DAB1: variants seen among roughly 807,000 people sequenced by gnomAD.
The protein encoded by DAB1 is DAB adaptor protein 1.
DAB1 carries 15 observed loss-of-function variants against 64.6 expected under a neutral mutation model. That is an observed-to-expected ratio of 0.23 (90% confidence interval 0.16 to 0.36). The LOEUF (loss-of-function observed/expected upper bound fraction) is 0.36, where lower values mean the gene tolerates loss of function less well. Ranked by LOEUF, DAB1 falls within the 10% of genes least tolerant of loss-of-function variation. DAB1 has a pLI of 1.00. For missense variants in DAB1, 596 were observed against 706.7 expected (o/e 0.84, Z 1.78); for synonymous variants, 235 against 251.9 (o/e 0.93, Z 0.64).
At chr1:58,464,983 C>T (rs1251646604) in intron 3 of DAB1, among the ~76,000 whole-genome samples, 1 of 152,224 alleles carries the variant, frequency 6.6e-6, no homozygotes, top group Admixed American at 6.5e-5. Flanking sequence ...CTCAGAAGAG[C>T]TCATCAAAGC....
At chr1:57,427,897 G>A (rs1476221677), upstream of DAB1, among the ~76,000 whole-genome samples, 3 of 152,174 alleles carry the variant, frequency 2.0e-5, no homozygotes, top group Admixed American at 6.5e-5. Context: ...GCAGGGCATG[G>A]TGGCTCACAC....
At chr1:58,101,474 C>T (rs1435598293) in intron 5 of DAB1, among the ~76,000 whole-genome samples, 1 of 151,946 alleles carries the variant, frequency 6.6e-6, no homozygotes, top group East Asian at 1.9e-4. Context: ...CTAGGGGTAC[C>T]TGGGGGGTAA....
chr1:57,537,570 C>CA (rs1644745433), intron 7 of DAB1, among the ~76,000 whole-genome samples: 1 of 151,190 alleles, frequency 6.6e-6, no homozygotes, highest in South Asian at 2.1e-4. Context: ...ACTTTTTTTT[C>CA]AAAAAAGCTC....
intron 2 of DAB1, among the ~76,000 whole-genome samples, chr1:57,230,543 G>C (rs745642941): frequency 3.9e-5 from 6 of 152,032 alleles, no homozygotes; most frequent in Non-Finnish European, 8.8e-5. Flanking sequence ...ACTAAAAAAA[G>C]ATTTCTGAAG....
At chr1:58,379,712 C>A (rs1300970182) in intron 3 of DAB1, among the ~76,000 whole-genome samples, 1 of 152,144 alleles carries the variant, frequency 6.6e-6, no homozygotes, top group Non-Finnish European at 1.5e-5. Context: ...AGAGTTGGAA[C>A]AATAGGAGAT....
At chr1:57,743,523 A>G (rs1329754170) in intron 6 of DAB1, among the ~76,000 whole-genome samples, 8 of 152,308 alleles carry the variant, frequency 5.3e-5, no homozygotes, top group Non-Finnish European at 1.0e-4. Flanking sequence ...TGCTCACAGA[A>G]AGCCTGTTTG....
chr1:57,254,243 G>A (rs1669589549), intron 2 of DAB1, among the ~76,000 whole-genome samples: 1 of 152,188 alleles, frequency 6.6e-6, no homozygotes, highest in Non-Finnish European at 1.5e-5. Context: ...CACTGTGGGT[G>A]AAGCCACCAG....
At chr1:57,152,189 A>G (rs1370479811) in intron 2 of DAB1, among the ~76,000 whole-genome samples, 1 of 152,198 alleles carries the variant, frequency 6.6e-6, no homozygotes, top group Non-Finnish European at 1.5e-5. Context: ...TGTCTGGGTG[A>G]GCATACCTCT....
At chr1:58,013,948 C>T (rs1411839498) in intron 5 of DAB1, among the ~76,000 whole-genome samples, 1 of 151,258 alleles carries the variant, frequency 6.6e-6, no homozygotes, top group East Asian at 1.9e-4. Context: ...ACCAGCACAC[C>T]ACTGGTAATA....
At chr1:57,298,850 C>A (rs1673407951) in intron 1 of DAB1, among the ~76,000 whole-genome samples, 1 of 152,032 alleles carries the variant, frequency 6.6e-6, no homozygotes, top group Non-Finnish European at 1.5e-5. Context: ...TCCTAGAAGC[C>A]AAAGCAAAGA....
chr1:57,262,076 C>A (rs1020344971), intron 2 of DAB1, among the ~76,000 whole-genome samples: 1 of 152,138 alleles, frequency 6.6e-6, no homozygotes, highest in Non-Finnish European at 1.5e-5. Context: ...AGCTGGTCAA[C>A]AGGGGAAACA....
upstream of DAB1, among the ~76,000 whole-genome samples, chr1:57,426,418 C>T (rs1685287774): frequency 1.3e-5 from 2 of 152,106 alleles, no homozygotes; most frequent in South Asian, 4.1e-4. Context: ...TTAAACTAAA[C>T]CAAATCTTAA....
rs1647256492 is a variant in DAB1, at chr1:57,038,119, G to A, written c.724-12076C>T. Among the ~76,000 whole-genome samples, 3 of 152,170 alleles carry A rather than the reference G, an allele frequency of 2.0e-5. No individual in the cohort carries two copies. The South Asian group carries it at 6.2e-4, about 32-fold the overall frequency. ...AAAAAATAAACTTCCAGTTAATGGG[G>A]TGCTTCCTAAATACTAGACATAGTC... On this transcript the variant is annotated intron_variant, in intron 9 of 14. Transcript: ENST00000371236.
chr1:57,165,900 G>T (rs184390873), intron 2 of DAB1, among the ~76,000 whole-genome samples: 3 of 152,298 alleles, frequency 2.0e-5, no homozygotes, highest in African/African-American at 7.2e-5. Context: ...GTAAATAGAG[G>T]TGCCACCAAT....
At chr1:57,543,855 C>A (rs778020876) in intron 7 of DAB1, among the ~76,000 whole-genome samples, 60 of 152,078 alleles carry the variant, frequency 3.9e-4, no homozygotes, top group Non-Finnish European at 8.1e-4. Context: ...ATAATGACAG[C>A]ACTTTGGGAG....
chr1:57,531,350 A>G (rs544873490), intron 7 of DAB1, among the ~76,000 whole-genome samples: 80 of 152,246 alleles, frequency 5.3e-4, no homozygotes, highest in African/African-American at 1.9e-3. Flanking sequence ...CCGAAATCCT[A>G]TAAAACTGCC....
intron 7 of DAB1, among the ~76,000 whole-genome samples, chr1:57,589,068 T>A (rs1256326043): frequency 6.6e-6 from 1 of 152,102 alleles, no homozygotes; most frequent in Non-Finnish European, 1.5e-5. Flanking sequence ...AAACCCTGTC[T>A]CTACTAAAAA....
At chr1:57,307,709 A>C (rs1482753820) in intron 1 of DAB1, among the ~76,000 whole-genome samples, 4 of 151,724 alleles carry the variant, frequency 2.6e-5, no homozygotes, top group Non-Finnish European at 4.4e-5. Flanking sequence ...TGTTGAATCT[A>C]GACTACACCC....
intron 7 of DAB1, among the ~76,000 whole-genome samples, chr1:57,633,386 G>A (rs1034042347): frequency 1.7e-4 from 26 of 152,352 alleles, no homozygotes; most frequent in Admixed American, 6.5e-4. Flanking sequence ...TTTCTAGTAA[G>A]TTCCCTGGTG....
Sources: gnomAD v4.1 joint callset for allele counts (sites outside exome capture counted in the v4.1 genomes callset) on GRCh38, gnomAD v4.1.1 for gene constraint, MANE v1.5 for transcripts, NCBI Gene and HGNC (gene_info 2026-07-23, HGNC 2026-07-21) for gene names.